Variants in RIC1 observed in about 807,000 individuals in gnomAD.
RIC1 encodes guanine nucleotide exchange factor subunit RIC1.
A neutral mutation model predicts 169.0 loss-of-function variants in RIC1; 88 were observed. The observed-to-expected ratio is 0.52, with a 90% CI of 0.44 to 0.62. The LOEUF (loss-of-function observed/expected upper bound fraction) is 0.62. RIC1 is among the 20% of genes least tolerant of loss of function. RIC1 has a pLI of 0.00. For synonymous variants in RIC1, 790 were observed against 601.5 expected (o/e 1.31, Z -4.59); for missense variants, 1,877 against 1,725.5 (o/e 1.09, Z -1.56).
At chr9:5,718,179 C>G (rs1378735913) in intron 4 of RIC1, among the ~76,000 whole-genome samples, 4 of 134,542 alleles carry the variant, frequency 3.0e-5, no homozygotes, top group African/African-American at 1.1e-4. Flanking sequence ...TCAGTTCTTG[C>G]TTATATAGGT....
chr9:5,693,466 C>G (rs1288614387), intron 3 of RIC1, among the ~76,000 whole-genome samples: 6 of 152,140 alleles, frequency 3.9e-5, no homozygotes, highest in Non-Finnish European at 5.9e-5. Context: ...TTAAGTGACT[C>G]TGTACCTCAA....
chr9:5,678,154 A>G (rs1820574006), intron 2 of RIC1, among the ~76,000 whole-genome samples: 1 of 152,128 alleles, frequency 6.6e-6, no homozygotes. Flanking sequence ...AGCTTCATCC[A>G]TGTCCCTACA....
chr9:5,711,592 A>T (rs1822929066), intron 3 of RIC1, among the ~76,000 whole-genome samples: 1 of 150,962 alleles, frequency 6.6e-6, no homozygotes, highest in South Asian at 2.1e-4. Flanking sequence ...TATTTTTATT[A>T]TACTTTAAGT....
chr9:5,654,146 G>A (rs1818956015), intron 1 of RIC1, among the ~76,000 whole-genome samples: 2 of 151,846 alleles, frequency 1.3e-5, no homozygotes, highest in South Asian at 4.1e-4. Flanking sequence ...CTACAGGTGT[G>A]TGCCACCATG....
intron 12 of RIC1, 22 bp downstream of exon 12, chr9:5,747,527 A>AGTAAT (rs754377376): frequency 9.2e-5 from 145 of 1,576,786 alleles, no homozygotes; most frequent in Non-Finnish European, 1.2e-4. Context: ...GTTACTGATT[A>AGTAAT]CTAGAGACTT....
At chr9:5,722,400 G>A (rs922533066) in intron 6 of RIC1, among the ~76,000 whole-genome samples, 1 of 150,616 alleles carries the variant, frequency 6.6e-6, no homozygotes, top group African/African-American at 2.5e-5. Context: ...CAGTGTATGT[G>A]TGGGTCTATA....
intron 21 of RIC1, among the ~76,000 whole-genome samples, chr9:5,768,361 G>T (rs1452329864): frequency 6.6e-6 from 1 of 152,088 alleles, no homozygotes; most frequent in Middle Eastern, 3.4e-3. Context: ...TCCCATCCTT[G>T]CAAAAATAAA....
chr9:5,654,814 A>C (rs1818991778), intron 1 of RIC1, among the ~76,000 whole-genome samples: 1 of 152,176 alleles, frequency 6.6e-6, no homozygotes. Context: ...TGGCCTTTCA[A>C]AGTGTAGGGA....
intron 1 of RIC1, among the ~76,000 whole-genome samples, chr9:5,641,053 C>G (rs1818213216): frequency 6.7e-6 from 1 of 149,070 alleles, no homozygotes; most frequent in South Asian, 2.1e-4. Flanking sequence ...GATAAAGAAA[C>G]TATCCTTTGA....
Position 5,756,366 on chromosome 9 carries a change from C to A in RIC1, c.1847C>A (p.Ser616Tyr). Residue 616 changes from serine to tyrosine, a missense_variant, in exon 16 of 26, where the codon TCT becomes TAT. Around this residue, in one of 3 missense-constraint regions of RIC1, gnomAD observed 1,104 missense variants for 992.0 expected, o/e 1.11. Transcript: ENST00000414202. ...SICLYSIERK[S>Y]DGPNTTAGIQ... ...TGCCTTTACAGTATTGAAAGAAAAT[C>A]TGATGGGTAAGTATCTGGCATATGA... The A allele has an allele frequency of 6.8e-7, 1 of 1,467,438 alleles. No individual in the cohort carries two copies. Among genetic ancestry groups the A allele is most frequent in the Non-Finnish European group, 9.1e-7 (1 of 1,094,580 alleles). The allele number at this position is 1,467,438 out of a possible 1,614,324, so 90.9% of individuals were successfully genotyped here.
In RIC1 at chr9:5,720,657, G is replaced by A; in HGVS notation, c.627G>A (p.Met209Ile). 1.2e-6 allele frequency: 2 copies of A among 1,611,440 alleles called. No individual in the cohort carries two copies. The highest frequency in any genetic ancestry group is 1.1e-5 in the South Asian group (1 of 90,434). Reference sequence around the variant, plus strand: ...TCACAGACGTACACATCAGAGACATGGAATACTGTGCCACACTTGATGGGT... The same window carrying A: ...TCACAGACGTACACATCAGAGACATAGAATACTGTGCCACACTTGATGGGT... ...LGFTDVHIRDMEYCATLDGFA... is the reference protein window; with the variant it reads ...LGFTDVHIRDIEYCATLDGFA... The change falls in exon 6 of 26, where the codon ATG becomes ATA. Residue 209 changes from methionine (M) to isoleucine (I), a missense_variant. Physicochemically the swap from Met to Ile is conservative, Grantham distance 10. Around this residue, in one of 3 missense-constraint regions of RIC1, gnomAD observed 1,104 missense variants for 992.0 expected, o/e 1.11. Coordinates refer to ENST00000414202, the MANE Select transcript of RIC1 (RefSeq NM_020829.4).
intron 1 of RIC1, among the ~76,000 whole-genome samples, chr9:5,647,936 G>GGGTGGTGGT (rs77165192): frequency 1.7e-3 from 212 of 121,196 alleles, no homozygotes; most frequent in East Asian, 6.6e-3. Flanking sequence ...GTGTGGGGGT[G>GGGTGGTGGT]GGTGGTGGTG....
At chr9:5,762,789 C>G (rs1586709802) in intron 18 of RIC1, 129 bp downstream of exon 18, 2 of 1,203,358 alleles carry the variant, frequency 1.7e-6, no homozygotes, top group Non-Finnish European at 2.3e-6. Flanking sequence ...TAAAATCAGT[C>G]TTAAGCCTCT....
chr9:5,770,202 C>A lies in RIC1; in HGVS notation c.3540C>A (p.Thr1180=), dbSNP rs745376138. 7 of 1,613,864 alleles carry A rather than the reference C, an allele frequency of 4.3e-6. No homozygotes were observed. Among genetic ancestry groups the A allele is most frequent in the Admixed American group, 1.7e-5 (1 of 59,996 alleles). The change falls in exon 23 of 26, where the codon ACC becomes ACA. Residue 1180 remains threonine (T), a synonymous_variant. Transcript: ENST00000414202. ...GCTGGCTCAGCAACATTGGCCCCAC[C>A]CATCATGAGATAGACACAGCTTCAT... ...SQSWLSNIGP[T]HHEIDTASSH...
In RIC1 at chr9:5,629,359, G is replaced by T; in HGVS notation, c.50G>T (p.Ser17Ile). The change falls in exon 1 of 26, where the codon AGC (serine) becomes ATC (isoleucine). Residue 17 changes from serine (S) to isoleucine (I), a missense_variant. Transcript: ENST00000414202. ...AAGAGGCTGCTGTGCCCTCTGGGGA[G>T]CCCGGCCGAGGCGCCTTTCCACGTT... ...WPKRLLCPLG[S>I]PAEAPFHVQS... The T allele has an allele frequency of 6.5e-7, 1 of 1,534,330 alleles. No homozygotes were observed. The highest frequency in any genetic ancestry group is 2.0e-5 in the Admixed American group (1 of 50,840).
chr9:5,709,873 A>T (rs1461549872), intron 3 of RIC1, among the ~76,000 whole-genome samples: 1 of 152,180 alleles, frequency 6.6e-6, no homozygotes, highest in African/African-American at 2.4e-5. Context: ...GAATTTACTT[A>T]AATTTGCTTT....
intron 17 of RIC1, among the ~76,000 whole-genome samples, chr9:5,761,624 C>A (rs1826346618): frequency 6.6e-6 from 1 of 152,198 alleles, no homozygotes; most frequent in African/African-American, 2.4e-5. Flanking sequence ...TCTCTAGCAC[C>A]TCAGCTAACC....
chr9:5,768,352 C>G (rs754142598), intron 21 of RIC1, among the ~76,000 whole-genome samples: 1 of 152,024 alleles, frequency 6.6e-6, no homozygotes, highest in East Asian at 1.9e-4. Flanking sequence ...ACAGCAAGAT[C>G]CCATCCTTGC....
chr9:5,742,808 A>AC, intron 8 of RIC1, 61 bp from the exon 9 acceptor site: 2 of 1,451,630 alleles, frequency 1.4e-6, no homozygotes, highest in South Asian at 1.3e-5. Context: ...GAAAAAAAAA[A>AC]AAAAACAAGT....
Sources: gnomAD v4.1 joint callset for allele counts (sites outside exome capture counted in the v4.1 genomes callset) on GRCh38, gnomAD v4.1.1 for gene constraint, gnomAD v4.1.1 regional missense constraint, MANE v1.5 for transcripts, NCBI Gene and HGNC (gene_info 2026-07-23, HGNC 2026-07-21) for gene names.